CCSER1: variants seen among roughly 807,000 people sequenced by gnomAD.
The protein encoded by CCSER1 is coiled-coil serine rich protein 1, also known as serine-rich coiled-coil domain-containing protein 1.
A neutral mutation model predicts 82.0 loss-of-function variants in CCSER1; 41 were observed. That is an observed-to-expected ratio of 0.50 (90% CI 0.39 to 0.65). The LOEUF (loss-of-function observed/expected upper bound fraction) is 0.65. CCSER1 is among the 30% of genes least tolerant of loss of function. The probability of loss-of-function intolerance (pLI) is 0.00; values close to 1 mark genes in which losing one functional copy is unlikely to be tolerated. For synonymous variants in CCSER1, 414 were observed against 383.9 expected, an observed-to-expected ratio of 1.08 and a Z score of -0.92; for missense variants, 1,119 against 1,064.2, an observed-to-expected ratio of 1.05 and a Z score of -0.72.
intron 4 of CCSER1, 99 bp downstream of exon 4, chr4:90,400,228 C>T: frequency 3.9e-6 from 2 of 508,474 alleles, no homozygotes; most frequent in Non-Finnish European, 3.4e-6. Context: ...TCTATCTTTT[C>T]AGGCCTCAGT....
chr4:91,068,449 TTAA>T (rs1175791679), intron 9 of CCSER1, among the ~76,000 whole-genome samples: 1 of 152,172 alleles, frequency 6.6e-6, no homozygotes, highest in Non-Finnish European at 1.5e-5. Context: ...TTCCTAGAAA[TTAA>T]TAATGACAGA....
intron 10 of CCSER1, among the ~76,000 whole-genome samples, chr4:91,399,078 G>A (rs1402669755): frequency 6.6e-6 from 1 of 151,904 alleles, no homozygotes; most frequent in Non-Finnish European, 1.5e-5. Context: ...AATTTTAAAA[G>A]TGGGCAGAGA....
At chr4:90,950,947 G>A (rs1389465567) in intron 9 of CCSER1, among the ~76,000 whole-genome samples, 1 of 151,920 alleles carries the variant, frequency 6.6e-6, no homozygotes, top group Non-Finnish European at 1.5e-5. Flanking sequence ...TTTTATCATT[G>A]ATTTTCACTG....
intron 5 of CCSER1, among the ~76,000 whole-genome samples, chr4:90,472,257 A>G (rs1293862115): frequency 1.3e-5 from 2 of 152,222 alleles, no homozygotes; most frequent in African/African-American, 4.8e-5. Context: ...AAGATTGTAC[A>G]TAAGAAAGAA....
chr4:91,291,813 A>T (rs1193766174), intron 10 of CCSER1, among the ~76,000 whole-genome samples: 1 of 152,026 alleles, frequency 6.6e-6, no homozygotes, highest in Non-Finnish European at 1.5e-5. Context: ...GAAAAGCATG[A>T]GAAATTGCCA....
At chr4:91,132,408 G>A (rs528232294) in intron 10 of CCSER1, among the ~76,000 whole-genome samples, 11 of 152,120 alleles carry the variant, frequency 7.2e-5, no homozygotes, top group Non-Finnish European at 1.2e-4. Flanking sequence ...TTAGGAAATC[G>A]ACACTGGGAT....
At chr4:90,671,687 T>C (rs1732827537) in intron 6 of CCSER1, among the ~76,000 whole-genome samples, 1 of 152,072 alleles carries the variant, frequency 6.6e-6, no homozygotes, top group Admixed American at 6.6e-5. Context: ...GAATTAAGAA[T>C]GTTCTTAGTG....
chr4:91,569,041 G>A (rs1370206538), intron 10 of CCSER1, among the ~76,000 whole-genome samples: 1 of 152,166 alleles, frequency 6.6e-6, no homozygotes, highest in African/African-American at 2.4e-5. Flanking sequence ...TTCTCACCAG[G>A]CCAAGGCTTT....
At chr4:90,448,803 T>G (rs919020191) in intron 4 of CCSER1, among the ~76,000 whole-genome samples, 3 of 152,060 alleles carry the variant, frequency 2.0e-5, no homozygotes. Context: ...TTCTCTCTTT[T>G]GTCTTCTTTC....
intron 5 of CCSER1, among the ~76,000 whole-genome samples, chr4:90,521,203 C>G (rs1262101011): frequency 6.6e-6 from 1 of 152,060 alleles, no homozygotes; most frequent in Non-Finnish European, 1.5e-5. Context: ...TAACATATAT[C>G]AAATGTATGC....
At chr4:90,241,471 T>C (rs1746822322) in intron 1 of CCSER1, among the ~76,000 whole-genome samples, 1 of 152,240 alleles carries the variant, frequency 6.6e-6, no homozygotes, top group Admixed American at 6.5e-5. Flanking sequence ...ACAATATTTA[T>C]GTCTATTGTT....
chr4:91,034,274 G>A (rs564796302), intron 9 of CCSER1, among the ~76,000 whole-genome samples: 10 of 152,272 alleles, frequency 6.6e-5, no homozygotes, highest in South Asian at 2.1e-4. Flanking sequence ...AGTATGCACC[G>A]TCAGTTCAGG....
intron 5 of CCSER1, among the ~76,000 whole-genome samples, chr4:90,503,482 T>C (rs1770219552): frequency 6.6e-6 from 1 of 152,180 alleles, no homozygotes. Flanking sequence ...TACATATGTA[T>C]ACGTGTGCCA....
chr4:90,336,767 C>T (rs1319492725), intron 3 of CCSER1, among the ~76,000 whole-genome samples: 2 of 152,108 alleles, frequency 1.3e-5, no homozygotes, highest in African/African-American at 4.8e-5. Context: ...AAAGTGAATC[C>T]AATATGTAAA....
At chr4:90,942,432 A>T (rs1436404926) in intron 9 of CCSER1, among the ~76,000 whole-genome samples, 1 of 152,164 alleles carries the variant, frequency 6.6e-6, no homozygotes, top group African/African-American at 2.4e-5. Flanking sequence ...TCTTGTGTGA[A>T]GCCTTTTTTA....
chr4:90,424,317 G>T (rs778450225), intron 4 of CCSER1, among the ~76,000 whole-genome samples: 1 of 152,068 alleles, frequency 6.6e-6, no homozygotes, highest in Non-Finnish European at 1.5e-5. Flanking sequence ...ATGTATCATT[G>T]CCTTCAGATC....
chr4:91,548,615 T>A lies in CCSER1; in HGVS notation c.2218-49957T>A, dbSNP rs140081367. Reference sequence around the variant, plus strand: ...TCTCCTTCAGTTTTGAAGAATAATTTCTCATGGTATGTAATTCTAGGTTTG... The same window carrying A: ...TCTCCTTCAGTTTTGAAGAATAATTACTCATGGTATGTAATTCTAGGTTTG... On this transcript the variant is annotated intron_variant, in intron 10 of 10. Transcript: ENST00000509176. Among the ~76,000 whole-genome samples the A allele has an allele frequency of 6.6e-4, 101 of 152,096 alleles. 1 individual carries two copies. In the East Asian group the frequency reaches 0.019, roughly 29 times the overall value.
chr4:90,279,298 A>G (rs1728480596), intron 1 of CCSER1, among the ~76,000 whole-genome samples: 2 of 152,046 alleles, frequency 1.3e-5, no homozygotes, highest in Admixed American at 6.6e-5. Context: ...CTGTATGCAC[A>G]TAGTTTTATC....
intron 10 of CCSER1, among the ~76,000 whole-genome samples, chr4:91,268,956 C>G (rs939301572): frequency 1.1e-4 from 16 of 152,296 alleles, no homozygotes; most frequent in African/African-American, 3.6e-4. Flanking sequence ...AGAGGCCTGA[C>G]AAATTATTCT....
Sources: allele counts gnomAD v4.1 joint callset (sites outside exome capture counted in the v4.1 genomes callset), GRCh38; gene constraint gnomAD v4.1.1; transcripts MANE v1.5; gene names NCBI Gene and HGNC (gene_info 2026-07-23, HGNC 2026-07-21).